The following DLGAP2 variants were observed in gnomAD, a reference collection of about 807,000 sequenced individuals.
DLGAP2 encodes disks large-associated protein 2.
In DLGAP2, 26 loss-of-function variants were observed where a neutral mutation model predicts 100.3. The observed-to-expected ratio is 0.26, with a 90% CI of 0.19 to 0.36. The LOEUF is 0.36. DLGAP2 is among the 10% of genes least tolerant of loss of function. DLGAP2 has a pLI of 1.00. For synonymous variants in DLGAP2, 886 were observed against 630.1 expected (o/e 1.41, Z -6.08); for missense variants, 1,858 against 1,453.2 (o/e 1.28, Z -4.53).
chr8:1,441,530 G>A (rs1174770634), intron 3 of DLGAP2, among the ~76,000 whole-genome samples: 1 of 151,674 alleles, frequency 6.6e-6, no homozygotes, highest in African/African-American at 2.4e-5. Context: ...TCTACTAAAA[G>A]TACAAAAATT....
chr8:1,188,909 C>G (rs1384532476), intron 2 of DLGAP2, among the ~76,000 whole-genome samples: 2 of 152,358 alleles, frequency 1.3e-5, no homozygotes. Context: ...CTTCTCCTCA[C>G]ACAGGTTGCC....
At chr8:833,482 C>T (rs1274617805) in intron 1 of DLGAP2, among the ~76,000 whole-genome samples, 7 of 152,274 alleles carry the variant, frequency 4.6e-5, no homozygotes, top group Non-Finnish European at 7.4e-5. Flanking sequence ...CTTGTGGCCC[C>T]ACCTCCATCT....
chr8:1,472,298 C>T lies in DLGAP2; in HGVS notation c.107-29068C>T, dbSNP rs556587622. On this transcript the variant is annotated intron_variant, in intron 3 of 14. Coordinates refer to ENST00000637795, the MANE Select transcript of DLGAP2 (RefSeq NM_001346810.2). ...GATGCAGGGCCGGAGCAGGAGAGGACGCAGCTGGGAGGGAGGCCAGGGGCG... is the reference window on the plus strand; with the variant it reads ...GATGCAGGGCCGGAGCAGGAGAGGATGCAGCTGGGAGGGAGGCCAGGGGCG... Among the ~76,000 whole-genome samples the T allele has an allele frequency of 5.9e-5, 9 of 152,248 alleles. No individual in the cohort carries two copies. In the East Asian group the frequency reaches 1.2e-3, roughly 20 times the overall value.
intron 1 of DLGAP2, among the ~76,000 whole-genome samples, chr8:823,649 G>T (rs1247313443): frequency 6.6e-6 from 1 of 152,120 alleles, no homozygotes. Context: ...ATGTGTGGGT[G>T]TCAGGATATA....
intron 2 of DLGAP2, among the ~76,000 whole-genome samples, chr8:1,027,281 T>A (rs575863107): frequency 6.6e-5 from 10 of 152,258 alleles, no homozygotes; most frequent in Non-Finnish European, 1.5e-4. Flanking sequence ...CCCGTGGTGC[T>A]GCAGGTGAGG....
At chr8:1,317,501 C>A (rs1339875222) in intron 3 of DLGAP2, among the ~76,000 whole-genome samples, 14 of 130,640 alleles carry the variant, frequency 1.1e-4, no homozygotes, top group South Asian at 2.5e-4. Flanking sequence ...ACACTCGAGA[C>A]ACTTGGCAGC....
intron 3 of DLGAP2, among the ~76,000 whole-genome samples, chr8:1,420,238 G>C (rs927997588): frequency 3.9e-5 from 6 of 152,098 alleles, no homozygotes; most frequent in African/African-American, 1.4e-4. Context: ...ACTCAGGTGT[G>C]GTTGAAGGGC....
At chr8:917,795 G>A (rs370550140) in intron 2 of DLGAP2, among the ~76,000 whole-genome samples, 10 of 151,936 alleles carry the variant, frequency 6.6e-5, no homozygotes, top group African/African-American at 2.2e-4. Context: ...TGGCCAGGAT[G>A]GTCTCAATCT....
At chr8:1,656,043 G>T (rs1798276772) in intron 8 of DLGAP2, among the ~76,000 whole-genome samples, 1 of 152,222 alleles carries the variant, frequency 6.6e-6, no homozygotes, top group African/African-American at 2.4e-5. Context: ...AATATTGGAG[G>T]CCAGGTGTGG....
intron 2 of DLGAP2, among the ~76,000 whole-genome samples, chr8:987,996 C>T (rs1432149699): frequency 2.0e-5 from 3 of 152,134 alleles, no homozygotes; most frequent in South Asian, 2.1e-4. Context: ...GTCTGGTTCT[C>T]GATGTAGCTT....
chr8:1,026,767 A>G (rs1801812059), intron 2 of DLGAP2, among the ~76,000 whole-genome samples: 1 of 152,250 alleles, frequency 6.6e-6, no homozygotes, highest in Non-Finnish European at 1.5e-5. Flanking sequence ...ATTGAGTGTT[A>G]TCAGTGCTAC....
intron 2 of DLGAP2, among the ~76,000 whole-genome samples, chr8:973,824 G>T (rs901590627): frequency 2.7e-5 from 4 of 150,690 alleles, no homozygotes; most frequent in South Asian, 2.1e-4. Context: ...GTGGCCCCGC[G>T]GCGGTCCGGG....
intron 2 of DLGAP2, among the ~76,000 whole-genome samples, chr8:968,365 G>T (rs1331762869): frequency 6.6e-6 from 1 of 152,154 alleles, no homozygotes; most frequent in Non-Finnish European, 1.5e-5. Flanking sequence ...GGGAAGCATG[G>T]CCCCTGTGAG....
At chr8:1,283,634 A>C (rs2116954035) in intron 3 of DLGAP2, among the ~76,000 whole-genome samples, 1 of 152,344 alleles carries the variant, frequency 6.6e-6, no homozygotes, top group East Asian at 1.9e-4. Context: ...TAGAATTTTC[A>C]TTGAATATTC....
At chr8:876,955 C>T (rs1284299601) in intron 1 of DLGAP2, among the ~76,000 whole-genome samples, 1 of 151,076 alleles carries the variant, frequency 6.6e-6, no homozygotes, top group Non-Finnish European at 1.5e-5. Context: ...TTTTACTTTT[C>T]CAACAGCGGA....
At chr8:1,386,787 A>G (rs6996337) in intron 3 of DLGAP2, among the ~76,000 whole-genome samples, 82,378 of 151,902 alleles carry the variant, frequency 0.54, 22,573 homozygotes, top group East Asian at 0.7. Context: ...GGTGAGATCC[A>G]AAGAAAAAAA....
intron 4 of DLGAP2, 151 bp from the exon 5 acceptor site, chr8:1,548,475 A>AAAC: frequency 3.5e-6 from 2 of 569,244 alleles, no homozygotes. Flanking sequence ...AAAAAAAAAA[A>AAAC]AAAAAAAAAC....
rs908064846 is a variant in DLGAP2 at position 1,120,825 on chromosome 8, A to T, written c.74-138026A>T. Among the ~76,000 whole-genome samples the T allele has an allele frequency of 4.8e-5, 7 of 146,118 alleles. No homozygotes were observed. The South Asian group carries it at 8.9e-4, about 18-fold the overall frequency. On this transcript the variant is annotated intron_variant, in intron 2 of 14. Coordinates refer to ENST00000637795, the MANE Select transcript of DLGAP2 (RefSeq NM_001346810.2). ...AACCCCTCGTCTCCCATCCTCGTCC[A>T]GTTAGAACCCATGACCACCCATCCT... is the stretch of plus-strand genomic sequence containing the variant.
intron 2 of DLGAP2, among the ~76,000 whole-genome samples, chr8:1,023,286 C>G (rs184884064): frequency 6.6e-6 from 1 of 152,290 alleles, no homozygotes; most frequent in East Asian, 1.9e-4. Flanking sequence ...GGTCTGTTCG[C>G]TGGGCTCTAC....
Sources: gnomAD v4.1 joint callset for allele counts (sites outside exome capture counted in the v4.1 genomes callset) on GRCh38, gnomAD v4.1.1 for gene constraint, MANE v1.5 for transcripts, NCBI Gene and HGNC (gene_info 2026-07-23, HGNC 2026-07-21) for gene names.